Variants in DCDC2C observed in about 807,000 individuals in gnomAD.
The protein encoded by DCDC2C is doublecortin domain containing 2C.
Under a neutral mutation model 45.0 loss-of-function variants are expected in DCDC2C, and 44 were observed. That is an observed-to-expected ratio of 0.98 (90% CI 0.77 to 1.26). The LOEUF is 1.26. Ranked by LOEUF, DCDC2C falls within the 50% of genes most tolerant of loss-of-function variation. The pLI is 0.00. For missense variants in DCDC2C, 447 were observed against 468.9 expected (o/e 0.95, Z 0.43); for synonymous variants, 187 against 178.8 (o/e 1.05, Z -0.37).
intron 10 of DCDC2C, chr2:3,844,338 C>G: frequency 6.6e-6 from 1 of 152,356 alleles, no homozygotes; most frequent in South Asian, 2.1e-4. Context: ...CCTGAGACGC[C>G]GGAGTCCCCC....
At chr2:3,824,675 C>T (rs1257946416) in intron 10 of DCDC2C, among the ~76,000 whole-genome samples, 1 of 151,774 alleles carries the variant, frequency 6.6e-6, no homozygotes, top group East Asian at 2.0e-4. Context: ...TGCTCCTGTC[C>T]CACCTTCAGC....
intron 8 of DCDC2C, among the ~76,000 whole-genome samples, chr2:3,773,590 G>T (rs1472556193): frequency 6.6e-6 from 1 of 152,210 alleles, no homozygotes; most frequent in African/African-American, 2.4e-5. Context: ...TTGAAATTCT[G>T]ATTTAAGTAC....
intron 10 of DCDC2C, among the ~76,000 whole-genome samples, chr2:3,817,065 A>G (rs1235364322): frequency 2.0e-5 from 3 of 152,168 alleles, no homozygotes; most frequent in Non-Finnish European, 4.4e-5. Context: ...GAAGAGATTG[A>G]TAGGTGGAAG....
rs1221423775 is a variant in DCDC2C, at chr2:3,708,305, A to T, written c.288-244A>T. ...TAATAAAATTACGTGAGGGAAAGCAATGTCACTTAAGAGACACTTTCAAGG... is the reference window on the plus strand; with the variant it reads ...TAATAAAATTACGTGAGGGAAAGCATTGTCACTTAAGAGACACTTTCAAGG... On this transcript the variant is annotated intron_variant, in intron 1 of 10. Coordinates refer to ENST00000399143, the MANE Select transcript of DCDC2C (RefSeq NM_001287444.2). 2.6e-5 allele frequency among the ~76,000 whole-genome samples: 4 copies of T among 152,294 alleles called. No homozygotes were observed. In the East Asian group the frequency reaches 7.7e-4, roughly 29 times the overall value.
intron 6 of DCDC2C, among the ~76,000 whole-genome samples, chr2:3,758,770 G>A (rs946682572): frequency 4.6e-5 from 7 of 152,194 alleles, no homozygotes; most frequent in Non-Finnish European, 8.8e-5. Context: ...CGGAAGGTTC[G>A]CTGGATTGGG....
intron 3 of DCDC2C, among the ~76,000 whole-genome samples, chr2:3,732,308 G>T (rs888124886): frequency 6.1e-4 from 93 of 152,200 alleles, no homozygotes; most frequent in Non-Finnish European, 1.9e-4. Context: ...TTTGTTCCAC[G>T]GTTGTTGGGA....
chr2:3,814,015 C>G (rs1374877826), intron 10 of DCDC2C, among the ~76,000 whole-genome samples: 2 of 152,126 alleles, frequency 1.3e-5, no homozygotes, highest in African/African-American at 4.8e-5. Flanking sequence ...TGCCACTGGT[C>G]TGTGTACTTC....
chr2:3,718,453 A>C (rs1056584363), intron 2 of DCDC2C, among the ~76,000 whole-genome samples: 8 of 152,160 alleles, frequency 5.3e-5, no homozygotes, highest in Admixed American at 5.2e-4. Context: ...CTGTGGGTGC[A>C]TGATACATAA....
intron 10 of DCDC2C, among the ~76,000 whole-genome samples, chr2:3,815,006 C>G (rs146758323): frequency 6.6e-6 from 1 of 152,250 alleles, no homozygotes; most frequent in South Asian, 2.1e-4. Flanking sequence ...TGCCCCTACC[C>G]GAAGGAGCTC....
intron 9 of DCDC2C, among the ~76,000 whole-genome samples, chr2:3,782,481 CTT>C (rs35616710): frequency 2.0e-4 from 29 of 143,578 alleles, no homozygotes; most frequent in East Asian, 6.1e-4. Context: ...TTCTTCAGTT[CTT>C]TTTTTTTTTT....
chr2:3,784,704 A>G (rs192840514), intron 9 of DCDC2C, among the ~76,000 whole-genome samples: 88 of 151,880 alleles, frequency 5.8e-4, no homozygotes, highest in African/African-American at 2.0e-3. Context: ...ATAATTAGAT[A>G]GACTCATATA....
intron 10 of DCDC2C, among the ~76,000 whole-genome samples, chr2:3,790,831 G>A (rs1306315707): frequency 2.6e-5 from 4 of 152,106 alleles, no homozygotes; most frequent in Non-Finnish European, 4.4e-5. Flanking sequence ...GTTCTAGGCC[G>A]GGCGCGGTGG....
At chr2:3,741,806 T>C in intron 3 of DCDC2C, 114 bp from the exon 4 acceptor site, 1 of 1,145,714 alleles carries the variant, frequency 8.7e-7, no homozygotes, top group Non-Finnish European at 1.2e-6. Flanking sequence ...TATTGGAGGC[T>C]GCTTAGTGCA....
At chr2:3,737,838 T>C (rs533328407) in intron 3 of DCDC2C, among the ~76,000 whole-genome samples, 2 of 152,334 alleles carry the variant, frequency 1.3e-5, no homozygotes, top group African/African-American at 4.8e-5. Flanking sequence ...TTAAACAATC[T>C]GAAATATTTT....
chr2:3,722,231 A>G (rs949753567), intron 2 of DCDC2C, among the ~76,000 whole-genome samples: 1 of 152,256 alleles, frequency 6.6e-6, no homozygotes, highest in Admixed American at 6.5e-5. Context: ...GATCCAAAGC[A>G]CAGGCTCCTG....
chr2:3,765,968 T>G (rs983386060), intron 6 of DCDC2C, among the ~76,000 whole-genome samples: 1 of 152,186 alleles, frequency 6.6e-6, no homozygotes, highest in Non-Finnish European at 1.5e-5. Flanking sequence ...TCACATTTCC[T>G]GCGTGTGCTT....
intron 10 of DCDC2C, among the ~76,000 whole-genome samples, chr2:3,829,507 A>C (rs928109591): frequency 1.3e-5 from 2 of 151,960 alleles, no homozygotes; most frequent in Non-Finnish European, 2.9e-5. Flanking sequence ...TGCCTTTTTG[A>C]TCACATGTTC....
intron 10 of DCDC2C, among the ~76,000 whole-genome samples, chr2:3,786,094 C>G (rs927050042): frequency 4.6e-5 from 7 of 152,226 alleles, no homozygotes; most frequent in African/African-American, 1.7e-4. Flanking sequence ...AAAAATATTC[C>G]TGACCATATT....
chr2:3,717,580 C>T lies in DCDC2C; in HGVS notation c.339+8980C>T, dbSNP rs61497110. ...CACCTGGAAGGAGTCCCATGCCTTC[C>T]GCTGGTCTCCTTGCTTCCAACCTTG... is the stretch of plus-strand genomic sequence containing the variant. On this transcript the variant is annotated intron_variant, in intron 2 of 10. Coordinates refer to ENST00000399143, the MANE Select transcript of DCDC2C (RefSeq NM_001287444.2). Among the ~76,000 whole-genome samples, 8 of 152,240 alleles carry T rather than the reference C, an allele frequency of 5.3e-5. No individual in the cohort carries two copies. The East Asian group carries it at 7.7e-4, about 15-fold the overall frequency.
Sources: gnomAD v4.1 joint callset for allele counts (sites outside exome capture counted in the v4.1 genomes callset) on GRCh38, gnomAD v4.1.1 for gene constraint, MANE v1.5 for transcripts, NCBI Gene and HGNC (gene_info 2026-07-23, HGNC 2026-07-21) for gene names.